The following GRIA3 variants were observed in gnomAD, a reference collection of about 807,000 sequenced individuals.
GRIA3 encodes the protein glutamate receptor 3.
Under a neutral mutation model 63.0 loss-of-function variants are expected in GRIA3, and 3 were observed. The ratio of observed to expected loss-of-function variants is 0.05; its 90% confidence interval spans 0.02 to 0.12. GRIA3 has a LOEUF of 0.12. Ranked by LOEUF, GRIA3 falls within the 10% of genes least tolerant of loss-of-function variation. The pLI is 1.00. For missense variants in GRIA3, 347 were observed against 700.9 expected, an observed-to-expected ratio of 0.50 and a Z score of 5.70; for synonymous variants, 274 against 257.9, an observed-to-expected ratio of 1.06 and a Z score of -0.60.
rs1569440862 is a variant in GRIA3, at chrX:123,463,664, GAAAGAAAGAAAGAAAGAA to G, written c.2077-1199_2077-1182del. ...AGAAAGAAAGAAAGAAAGAAAGAAA[GAAAGAAAGAAAGAAAGAA>G]AGAGAGAGAAAGAAAGAAAAAGAAA... On this transcript the variant is annotated intron_variant, in intron 12 of 15. Transcript: ENST00000620443. 7.6e-3 allele frequency among the ~76,000 whole-genome samples: 393 copies of G among 52,024 alleles called. 34 individuals carry two copies. The highest frequency in any genetic ancestry group is 0.032 in the African/African-American group (324 of 10,032). The allele number at this position is 52,024 out of a possible 115,157, so 45.2% of individuals were successfully genotyped here. A position where few individuals can be genotyped will look rare whatever the true frequency, so the allele number is the denominator to read the frequency against.
Position 123,290,586 on chromosome X carries a change from CTGTGTGTGTGTGTGTG to C in GRIA3, c.509-35412_509-35397del, listed in dbSNP as rs761564682. 3.0e-4 allele frequency among the ~76,000 whole-genome samples: 27 copies of C among 90,197 alleles called. No homozygotes were observed. The East Asian group carries it at 5.6e-3, about 19-fold the overall frequency. 78.3% of individuals were successfully genotyped at this position (90,197 alleles called of 115,157 possible). On this transcript the variant is annotated intron_variant, in intron 3 of 15. Transcript: ENST00000620443. ...TCTCTTGCTCCCTCTCCTCAAAGGA[CTGTGTGTGTGTGTGTG>C]TGTGTGTGTGTGTGTGTGTGTGTGT...
intron 4 of GRIA3, among the ~76,000 whole-genome samples, chrX:123,330,484 G>A (rs975058050): frequency 8.0e-5 from 9 of 111,880 alleles, no homozygotes; most frequent in Non-Finnish European, 1.1e-4. Flanking sequence ...CTGCTTATCA[G>A]GTTAAATCTT....
At chrX:123,223,769 T>C (rs2044230753) in intron 2 of GRIA3, among the ~76,000 whole-genome samples, 1 of 111,654 alleles carries the variant, frequency 9.0e-6, no homozygotes, top group African/African-American at 3.3e-5. Context: ...AAAATTCCCA[T>C]ACTACAAAGA....
At chrX:123,328,340 A>C (rs766706440) in intron 4 of GRIA3, among the ~76,000 whole-genome samples, 1 of 111,798 alleles carries the variant, frequency 8.9e-6, no homozygotes, top group Non-Finnish European at 1.9e-5. Context: ...ATCATTCAAA[A>C]ACTCTATTCT....
chrX:123,260,118 G>A (rs185773544), intron 3 of GRIA3, among the ~76,000 whole-genome samples: 2 of 108,898 alleles, frequency 1.8e-5, no homozygotes, highest in African/African-American at 6.7e-5. Context: ...AATGCAGGCA[G>A]AAGGTAACTG....
intron 6 of GRIA3, among the ~76,000 whole-genome samples, chrX:123,396,675 A>C (rs2045415770): frequency 8.9e-6 from 1 of 112,081 alleles, no homozygotes; most frequent in Admixed American, 9.5e-5. Context: ...GCCTACACAT[A>C]TATTGAATGG....
At chrX:123,477,759 G>A (rs138698153) in intron 13 of GRIA3, among the ~76,000 whole-genome samples, 1,827 of 111,759 alleles carry the variant, frequency 0.016, 18 homozygotes, top group Non-Finnish European at 0.026. Flanking sequence ...ATCTCTAGGA[G>A]CAGTGAAATC....
intron 2 of GRIA3, among the ~76,000 whole-genome samples, chrX:123,230,872 T>A (rs2044272430): frequency 8.9e-6 from 1 of 112,045 alleles, no homozygotes; most frequent in South Asian, 3.7e-4. Context: ...AGCCAACAGC[T>A]GTTTGCTTAT....
intron 3 of GRIA3, among the ~76,000 whole-genome samples, chrX:123,282,827 A>G (rs754981095): frequency 4.4e-5 from 5 of 112,545 alleles, no homozygotes; most frequent in African/African-American, 1.6e-4. Context: ...AATCGCTTGT[A>G]CCAGGGAGGT....
chrX:123,419,321 A>G (rs752514788), intron 11 of GRIA3, among the ~76,000 whole-genome samples: 1 of 110,194 alleles, frequency 9.1e-6, no homozygotes, highest in Non-Finnish European at 1.9e-5. Context: ...AGGCAGCAGA[A>G]TCACTTGAAC....
intron 3 of GRIA3, among the ~76,000 whole-genome samples, chrX:123,288,230 T>C (rs2044633236): frequency 8.9e-6 from 1 of 111,984 alleles, no homozygotes; most frequent in African/African-American, 3.3e-5. Flanking sequence ...AAACTGAAAC[T>C]GGACCCCTTC....
intron 2 of GRIA3, among the ~76,000 whole-genome samples, chrX:123,233,666 C>T (rs2044287527): frequency 8.9e-6 from 1 of 111,797 alleles, no homozygotes; most frequent in Non-Finnish European, 1.9e-5. Flanking sequence ...CTGCAGTTAC[C>T]AAATATGCAG....
intron 5 of GRIA3, among the ~76,000 whole-genome samples, chrX:123,391,147 C>A (rs2045384314): frequency 9.0e-6 from 1 of 111,246 alleles, no homozygotes; most frequent in Non-Finnish European, 1.9e-5. Flanking sequence ...TCATAAATTT[C>A]TTTTTGATTG....
At chrX:123,356,035 T>A (rs2045131440) in intron 5 of GRIA3, among the ~76,000 whole-genome samples, 1 of 111,825 alleles carries the variant, frequency 8.9e-6, no homozygotes, top group South Asian at 3.7e-4. Flanking sequence ...TGGGAATAAA[T>A]GAATCTAGTC....
Position 123,489,147 on chromosome X carries a change from T to C in GRIA3, c.*437T>C, listed in dbSNP as rs982327083. The C allele has an allele frequency of 9.2e-6, 1 of 109,025 alleles. No homozygotes were observed. The highest frequency in any genetic ancestry group is 1.9e-5 in the Non-Finnish European group (1 of 52,409). The allele number at this position is 109,025 out of a possible 1,213,427, so 9.0% of individuals were successfully genotyped here. ...AATTCCAATTCAGCAAAGAGGCCCA[T>C]CTAAGCTAAAAAAATTAATTCTTCC... On this transcript the variant is annotated 3_prime_UTR_variant, in exon 16 of 16. Transcript: ENST00000620443.
At chrX:123,352,830 G>T (rs1197149229) in intron 4 of GRIA3, among the ~76,000 whole-genome samples, 2 of 111,101 alleles carry the variant, frequency 1.8e-5, no homozygotes, top group Admixed American at 1.9e-4. Flanking sequence ...GATGTTTCTC[G>T]CAAGCGGACA....
chrX:123,465,250 A>G (rs752526140), intron 13 of GRIA3, 138 bp downstream of exon 13: 46 of 591,926 alleles, frequency 7.8e-5, no homozygotes, highest in Non-Finnish European at 1.2e-4. Context: ...ATGGAGTTAA[A>G]TAAGACGGTA....
intron 2 of GRIA3, among the ~76,000 whole-genome samples, chrX:123,203,680 A>G (rs937333555): frequency 1.8e-5 from 2 of 111,625 alleles, no homozygotes; most frequent in Non-Finnish European, 3.8e-5. Flanking sequence ...TCAAGCTCCC[A>G]ATTGCCTGGT....
chrX:123,254,109 A>G (rs1209430274), intron 3 of GRIA3, among the ~76,000 whole-genome samples: 1 of 111,650 alleles, frequency 9.0e-6, no homozygotes, highest in Non-Finnish European at 1.9e-5. Flanking sequence ...AGACAGCTAA[A>G]CTGGGCTTTG....
Sources: gnomAD v4.1 joint callset for allele counts (sites outside exome capture counted in the v4.1 genomes callset) on GRCh38, gnomAD v4.1.1 for gene constraint, MANE v1.5 for transcripts, NCBI Gene and HGNC (gene_info 2026-07-23, HGNC 2026-07-21) for gene names.